ARHGAP28: variants seen among roughly 807,000 people sequenced by gnomAD.
The protein encoded by ARHGAP28 is Rho GTPase activating protein 28, also known as rho GTPase-activating protein 28.
ARHGAP28 carries 56 observed loss-of-function variants against 90.7 expected under a neutral mutation model. The ratio of observed to expected loss-of-function variants is 0.62; its 90% confidence interval spans 0.50 to 0.77. The LOEUF (loss-of-function observed/expected upper bound fraction) is 0.77. ARHGAP28 is among the 30% of genes least tolerant of loss of function. The pLI is 0.00. For synonymous variants in ARHGAP28, 308 were observed against 323.3 expected (o/e 0.95, Z 0.51); for missense variants, 869 against 900.9 (o/e 0.96, Z 0.45).
intron 1 of ARHGAP28, among the ~76,000 whole-genome samples, chr18:6,731,291 C>CGTGT (rs60399521): frequency 0.036 from 5,358 of 149,544 alleles, 119 homozygotes; most frequent in Non-Finnish European, 0.052. Context: ...TATATGTGTG[C>CGTGT]GTGTGTGTGT....
chr18:6,898,825 G>A (rs1217317446), intron 16 of ARHGAP28: 10 of 1,013,152 alleles, frequency 9.9e-6, no homozygotes, highest in African/African-American at 1.7e-5. Context: ...GTAAGTGGGA[G>A]CTAAGCTGTG....
intron 1 of ARHGAP28, among the ~76,000 whole-genome samples, chr18:6,749,247 A>G (rs530316109): frequency 8.5e-5 from 13 of 152,332 alleles, no homozygotes; most frequent in Non-Finnish European, 1.6e-4. Context: ...AGCTAAAATT[A>G]TAGGTAGCAA....
intron 1 of ARHGAP28, among the ~76,000 whole-genome samples, chr18:6,806,540 A>G (rs2056520548): frequency 6.6e-6 from 1 of 152,134 alleles, no homozygotes; most frequent in Non-Finnish European, 1.5e-5. Flanking sequence ...ATATATATAT[A>G]TGACAAAAAT....
Position 6,887,208 on chromosome 18 carries a change from C to A in ARHGAP28, c.1505C>A (p.Ala502Glu). Residue 502 changes from alanine (A) to glutamate (E), a missense_variant, in exon 12 of 18, where the codon GCG (alanine) becomes GAG (glutamate). Physicochemically the swap from Ala to Glu is moderately radical, Grantham distance 107. Coordinates refer to ENST00000383472, the MANE Select transcript of ARHGAP28 (RefSeq NM_001366230.1). ...QFQALHLMVM[A>E]LPDANRDAAQ... Reference sequence around the variant, plus strand: ...CAAGCCTTACACCTCATGGTCATGGCGCTGCCTGATGCCAACAGAGATGCA... The same window carrying A: ...CAAGCCTTACACCTCATGGTCATGGAGCTGCCTGATGCCAACAGAGATGCA... 1.9e-6 allele frequency: 3 copies of A among 1,614,106 alleles called. No homozygotes were observed. The highest frequency in any genetic ancestry group is 3.3e-5 in the Admixed American group (2 of 60,016).
chr18:6,864,765 G>A lies in ARHGAP28; in HGVS notation c.727-3385G>A, dbSNP rs553086952. On this transcript the variant is annotated intron_variant, in intron 5 of 17. Coordinates refer to ENST00000383472, the MANE Select transcript of ARHGAP28 (RefSeq NM_001366230.1). ...AATGGCATGATCATGGCTCACTGCA[G>A]CCTTGAATGACTGGGTTCAAGCTGT... 5.3e-5 allele frequency among the ~76,000 whole-genome samples: 8 copies of A among 152,198 alleles called. No individual in the cohort carries two copies. The South Asian group carries it at 1.0e-3, about 20-fold the overall frequency.
At position 6,729,895 on chromosome 18, in the gene ARHGAP28, C is replaced by G; in HGVS notation, c.74C>G (p.Ala25Gly). The G allele has an allele frequency of 7.0e-7, 1 of 1,425,278 alleles. No homozygotes were observed. Among genetic ancestry groups the G allele is most frequent in the South Asian group, 1.4e-5 (1 of 69,472 alleles). The allele number at this position is 1,425,278 out of a possible 1,614,324, so 88.3% of individuals were successfully genotyped here. The stretch of plus-strand genomic sequence containing the variant: ...TACGCGCGCGCCCAGCCCCCCAACG[C>G]CGAGTCGCGCTGCGCGCCCCGCGCC... ...HSYARAQPPN[A>G]ESRCAPRAAA... Residue 25 changes from alanine to glycine, a missense_variant, in exon 1 of 18, where the codon GCC (alanine) becomes GGC (glycine). Physicochemically the swap from Ala to Gly is moderately conservative, Grantham distance 60. Transcript: ENST00000383472.
intron 7 of ARHGAP28, among the ~76,000 whole-genome samples, chr18:6,872,769 T>A (rs532832867): frequency 6.6e-6 from 1 of 152,350 alleles, no homozygotes; most frequent in East Asian, 1.9e-4. Flanking sequence ...ATAGAGAATA[T>A]GTCAGTATCG....
chr18:6,909,537 C>T (rs1243284157), intron 17 of ARHGAP28, among the ~76,000 whole-genome samples: 1 of 151,912 alleles, frequency 6.6e-6, no homozygotes, highest in African/African-American at 2.4e-5. Context: ...AAGTGATCCA[C>T]CCGCCTCGGC....
chr18:6,742,623 G>T (rs902537237), intron 1 of ARHGAP28, among the ~76,000 whole-genome samples: 4 of 152,176 alleles, frequency 2.6e-5, no homozygotes, highest in African/African-American at 9.7e-5. Flanking sequence ...CAGCAGACAG[G>T]TGGCTATACA....
At chr18:6,863,786 A>AT (rs397962617) in intron 5 of ARHGAP28, among the ~76,000 whole-genome samples, 48,045 of 143,640 alleles carry the variant, frequency 0.33, 7,943 homozygotes, top group Middle Eastern at 0.4. Context: ...GCTTTGTTTA[A>AT]TTTTTTTTTT....
intron 17 of ARHGAP28, among the ~76,000 whole-genome samples, chr18:6,910,235 C>T (rs1461485276): frequency 6.6e-6 from 1 of 152,144 alleles, no homozygotes; most frequent in South Asian, 2.1e-4. Context: ...GACTGTCTTC[C>T]CACTTTTCCT....
chr18:6,899,251 CAA>C (rs756668452), intron 16 of ARHGAP28, among the ~76,000 whole-genome samples: 1 of 151,996 alleles, frequency 6.6e-6, no homozygotes, highest in Non-Finnish European at 1.5e-5. Context: ...CTCTCCCTTA[CAA>C]CTAGAAAACC....
intron 2 of ARHGAP28, among the ~76,000 whole-genome samples, chr18:6,826,384 G>A (rs1398355603): frequency 2.0e-5 from 3 of 151,352 alleles, no homozygotes. Context: ...TTAGACCTCT[G>A]TCAGATGCAT....
At chr18:6,790,017 CAA>C (rs2056395222) in intron 1 of ARHGAP28, 1 of 151,862 alleles carries the variant, frequency 6.6e-6, no homozygotes, top group African/African-American at 2.4e-5. Flanking sequence ...TTACAAAACA[CAA>C]AGAGAGACGG....
chr18:6,907,729 G>C (rs535297314), intron 16 of ARHGAP28, among the ~76,000 whole-genome samples: 1 of 152,280 alleles, frequency 6.6e-6, no homozygotes, highest in Admixed American at 6.5e-5. Flanking sequence ...GAAATGTTCT[G>C]CATCTTCCCT....
At chr18:6,735,492 T>C (rs1243059647) in intron 1 of ARHGAP28, among the ~76,000 whole-genome samples, 2 of 152,158 alleles carry the variant, frequency 1.3e-5, no homozygotes, top group Non-Finnish European at 2.9e-5. Flanking sequence ...GTTGGTGATT[T>C]ATAGGAAGTC....
chr18:6,767,716 GT>G (rs1397787513), intron 1 of ARHGAP28, among the ~76,000 whole-genome samples: 1 of 152,058 alleles, frequency 6.6e-6, no homozygotes, highest in African/African-American at 2.4e-5. Context: ...TAATATGTCT[GT>G]TTTTTGCTAC....
chr18:6,831,471 G>GTTTTTTTTTTTTTTGTTT (rs2056714365), intron 2 of ARHGAP28, among the ~76,000 whole-genome samples: 1 of 109,306 alleles, frequency 9.1e-6, no homozygotes, highest in Non-Finnish European at 1.8e-5. Context: ...GTATCTTGAT[G>GTTTTTTTTTTTTTTGTTT]TTTTTTTTTT....
chr18:6,841,203 C>CTCTCTCT lies in ARHGAP28; in HGVS notation c.543+3789_543+3790insTCTCTCT, dbSNP rs754874496. Among the ~76,000 whole-genome samples the CTCTCTCT allele has an allele frequency of 2.1e-3, 88 of 41,956 alleles. 2 individuals carry two copies. The highest frequency in any genetic ancestry group is 7.7e-3 in the African/African-American group (67 of 8,650). The allele number at this position is 41,956 out of a possible 152,430, so 27.5% of individuals were successfully genotyped here. A position where few individuals can be genotyped will look rare whatever the true frequency, so the allele number is the denominator to read the frequency against. ...CTCCTCTCTCTCTCTCTCTCTCTCT[C>CTCTCTCT]CTCTCCTCTCTCTCTCTCTCCCCCC... On this transcript the variant is annotated intron_variant, in intron 3 of 17. Coordinates refer to ENST00000383472, the MANE Select transcript of ARHGAP28 (RefSeq NM_001366230.1).
Sources: gnomAD v4.1 joint callset for allele counts (sites outside exome capture counted in the v4.1 genomes callset) on GRCh38, gnomAD v4.1.1 for gene constraint, MANE v1.5 for transcripts, NCBI Gene and HGNC (gene_info 2026-07-23, HGNC 2026-07-21) for gene names.